Variants in ERBB4 observed in about 807,000 individuals in gnomAD.
ERBB4 encodes the protein receptor tyrosine-protein kinase erbB-4.
ERBB4 carries 42 observed loss-of-function variants against 158.0 expected under a neutral mutation model. That is an observed-to-expected ratio of 0.27 (90% CI 0.21 to 0.34). The LOEUF (loss-of-function observed/expected upper bound fraction) is 0.34, where lower values mean the gene tolerates loss of function less well. Ranked by LOEUF, ERBB4 falls within the 10% of genes least tolerant of loss-of-function variation. The pLI is 1.00. For synonymous variants in ERBB4, 583 were observed against 558.7 expected (o/e 1.04, Z -0.61); for missense variants, 1,333 against 1,624.1 (o/e 0.82, Z 3.08).
rs35895749 is a variant in ERBB4, at chr2:211,607,888, T to TTTC, written c.2301+11288_2301+11289insGAA. 2.1e-3 allele frequency among the ~76,000 whole-genome samples: 245 copies of TTTC among 118,838 alleles called. 20 individuals carry two copies. The highest frequency in any genetic ancestry group is 9.4e-3 in the Admixed American group (97 of 10,266). The allele number at this position is 118,838 out of a possible 152,430, so 78.0% of individuals were successfully genotyped here. On this transcript the variant is annotated intron_variant, in intron 19 of 27. Transcript: ENST00000342788. Reference sequence around the variant, plus strand: ...AGATTTTTTTTTTTTTTTTTTTTTTTAGACAGGGTCTCACTCTGTCTCCCA... The same window carrying TTTC: ...AGATTTTTTTTTTTTTTTTTTTTTTTTTCAGACAGGGTCTCACTCTGTCTCCCA...
chr2:212,233,018 G>T (rs919525211), intron 1 of ERBB4, among the ~76,000 whole-genome samples: 5 of 152,146 alleles, frequency 3.3e-5, no homozygotes, highest in Non-Finnish European at 7.4e-5. Flanking sequence ...TGAATGCATT[G>T]AAAAGTCCAC....
intron 19 of ERBB4, among the ~76,000 whole-genome samples, chr2:211,598,763 G>A (rs2125808620): frequency 6.6e-6 from 1 of 152,156 alleles, no homozygotes; most frequent in African/African-American, 2.4e-5. Flanking sequence ...GTGAAAACTT[G>A]GACATATATA....
At chr2:212,062,739 G>T (rs2077819539) in intron 2 of ERBB4, among the ~76,000 whole-genome samples, 1 of 152,048 alleles carries the variant, frequency 6.6e-6, no homozygotes, top group South Asian at 2.1e-4. Flanking sequence ...CAGCATCTCA[G>T]ATGGAATCAA....
rs71054142 is a variant in ERBB4 at position 211,772,898 on chromosome 2, C to CAT, written c.556+15125_556+15126dup. On this transcript the variant is annotated intron_variant, in intron 4 of 27. Coordinates refer to ENST00000342788, the MANE Select transcript of ERBB4 (RefSeq NM_005235.3). Reference sequence around the variant, plus strand: ...ATATATATATATACACACACACACACATATATATATACACACACACACACA... The same window carrying CAT: ...ATATATATATATACACACACACACACATATATATATATACACACACACACACA... Among the ~76,000 whole-genome samples, 144 of 48,104 alleles carry CAT rather than the reference C, an allele frequency of 3.0e-3. 7 individuals carry two copies. Among genetic ancestry groups the CAT allele is most frequent in the African/African-American group, 0.011 (131 of 12,372 alleles). 31.6% of individuals were successfully genotyped at this position (48,104 alleles called of 152,430 possible).
intron 20 of ERBB4, among the ~76,000 whole-genome samples, chr2:211,551,868 C>G (rs2067106804): frequency 6.6e-6 from 1 of 152,076 alleles, no homozygotes; most frequent in African/African-American, 2.4e-5. Context: ...CCCATAGTTA[C>G]TACTGGAGAA....
rs748586400 is a variant in ERBB4 at position 212,286,767 on chromosome 2, A to ATTTTTTTTTTTTTTTTTTTTTT, written c.83-161886_83-161865dup. 4.0e-4 allele frequency among the ~76,000 whole-genome samples: 16 copies of ATTTTTTTTTTTTTTTTTTTTTT among 39,558 alleles called. 6 individuals carry two copies. Among genetic ancestry groups the ATTTTTTTTTTTTTTTTTTTTTT allele is most frequent in the Non-Finnish European group, 5.4e-4 (13 of 23,858 alleles). 26.0% of individuals were successfully genotyped at this position (39,558 alleles called of 152,430 possible). A position where few individuals can be genotyped will look rare whatever the true frequency, so the allele number is the denominator to read the frequency against. ...TAGGCGGGTGGCACCATGAGGGTTA[A>ATTTTTTTTTTTTTTTTTTTTTT]TTTTTTTTTTTTTTTTTTTTTTTGT... is the stretch of plus-strand genomic sequence containing the variant. On this transcript the variant is annotated intron_variant, in intron 1 of 27. Coordinates refer to ENST00000342788, the MANE Select transcript of ERBB4 (RefSeq NM_005235.3).
intron 25 of ERBB4, among the ~76,000 whole-genome samples, chr2:211,416,332 A>G (rs1310283995): frequency 2.0e-5 from 3 of 152,178 alleles, no homozygotes. Flanking sequence ...CAAAAAAGAA[A>G]GAAAAAAAAC....
chr2:212,303,772 C>G (rs943268884), intron 1 of ERBB4, among the ~76,000 whole-genome samples: 2 of 151,402 alleles, frequency 1.3e-5, no homozygotes, highest in Non-Finnish European at 3.0e-5. Context: ...TTGCTACTAG[C>G]CATGTTCTTG....
chr2:212,120,555 T>A (rs1221602894), intron 2 of ERBB4, among the ~76,000 whole-genome samples: 1 of 152,204 alleles, frequency 6.6e-6, no homozygotes, highest in African/African-American at 2.4e-5. Context: ...AAATGAGGTA[T>A]CAGGGAAAAT....
chr2:212,237,941 G>A (rs965717996), intron 1 of ERBB4, among the ~76,000 whole-genome samples: 3 of 152,218 alleles, frequency 2.0e-5, no homozygotes, highest in Admixed American at 1.3e-4. Flanking sequence ...CAAAGCTCAA[G>A]TGTCCCAGGT....
At chr2:212,360,703 C>T (rs942193092) in intron 1 of ERBB4, among the ~76,000 whole-genome samples, 6 of 151,646 alleles carry the variant, frequency 4.0e-5, no homozygotes, top group Non-Finnish European at 8.9e-5. Flanking sequence ...AGCATGGTGA[C>T]TTTCAGTGAC....
At chr2:211,433,694 G>A (rs1295549814) in intron 20 of ERBB4, among the ~76,000 whole-genome samples, 2 of 152,202 alleles carry the variant, frequency 1.3e-5, no homozygotes, top group Non-Finnish European at 2.9e-5. Context: ...CTGAAGGCAG[G>A]AGCCACTGCC....
At chr2:211,630,655 G>T in intron 16 of ERBB4, 61 bp from the exon 17 acceptor site, 1 of 1,429,664 alleles carries the variant, frequency 7.0e-7, no homozygotes, top group Non-Finnish European at 9.7e-7. Context: ...GACAGAGGAA[G>T]AGAAAAGAGC....
chr2:211,414,597 A>C (rs2063343015), intron 25 of ERBB4, among the ~76,000 whole-genome samples: 1 of 152,134 alleles, frequency 6.6e-6, no homozygotes, highest in Non-Finnish European at 1.5e-5. Flanking sequence ...TTTAAAACAT[A>C]ACTAAGGTTA....
intron 2 of ERBB4, among the ~76,000 whole-genome samples, chr2:211,999,286 T>A (rs1248940971): frequency 2.6e-5 from 4 of 151,898 alleles, no homozygotes; most frequent in Non-Finnish European, 4.4e-5. Context: ...TATAATTAAT[T>A]GGTTTTAAAA....
chr2:211,633,525 CT>C (rs2070229860), intron 16 of ERBB4, among the ~76,000 whole-genome samples: 1 of 59,230 alleles, frequency 1.7e-5, no homozygotes, highest in Non-Finnish European at 3.7e-5. Flanking sequence ...GTTTTTCTCT[CT>C]TTGACATTTA....
chr2:211,539,529 C>T (rs896977313), intron 20 of ERBB4, among the ~76,000 whole-genome samples: 1 of 151,962 alleles, frequency 6.6e-6, no homozygotes, highest in South Asian at 2.1e-4. Flanking sequence ...AATTTGTCCT[C>T]CTATTCTGCA....
intron 2 of ERBB4, among the ~76,000 whole-genome samples, chr2:212,075,599 AAG>A (rs1439758309): frequency 5.3e-5 from 8 of 151,992 alleles, no homozygotes; most frequent in Admixed American, 1.3e-4. Flanking sequence ...GAATTTCAAA[AAG>A]AAAAACTTTA....
chr2:212,532,450 A>G (rs1005725478), intron 1 of ERBB4, among the ~76,000 whole-genome samples: 1 of 151,974 alleles, frequency 6.6e-6, no homozygotes, highest in East Asian at 1.9e-4. Flanking sequence ...GAACAACAAC[A>G]ACAAAAAAGA....
Sources: allele counts gnomAD v4.1 joint callset (sites outside exome capture counted in the v4.1 genomes callset), GRCh38; gene constraint gnomAD v4.1.1; transcripts MANE v1.5; gene names NCBI Gene and HGNC (gene_info 2026-07-23, HGNC 2026-07-21).